The following DDX60 variants were observed in gnomAD, a reference collection of about 807,000 sequenced individuals.
The protein encoded by DDX60 is probable ATP-dependent RNA helicase DDX60.
Under a neutral mutation model 212.8 loss-of-function variants are expected in DDX60, and 165 were observed. That is an observed-to-expected ratio of 0.78 (90% confidence interval 0.68 to 0.88). The LOEUF (loss-of-function observed/expected upper bound fraction) is 0.88. Among genes scored for constraint, DDX60 ranks in the 40% least tolerant of loss-of-function variants. The pLI is 0.00. For missense variants in DDX60, 1,905 were observed against 2,003.9 expected, an observed-to-expected ratio of 0.95 and a Z score of 0.94; for synonymous variants, 703 against 685.3, an observed-to-expected ratio of 1.03 and a Z score of -0.40.
intron 20 of DDX60, 148 bp downstream of exon 20, chr4:168,268,706 T>C: frequency 2.1e-6 from 1 of 472,116 alleles, no homozygotes; most frequent in Non-Finnish European, 3.7e-6. Flanking sequence ...CCAGGAGGTG[T>C]AGAGAGATGC....
At chr4:168,231,753 C>T (rs957749971) in intron 33 of DDX60, among the ~76,000 whole-genome samples, 43 of 152,062 alleles carry the variant, frequency 2.8e-4, no homozygotes, top group Middle Eastern at 3.4e-3. Context: ...CCACAGTCAA[C>T]GTTATACTTT....
intron 33 of DDX60, among the ~76,000 whole-genome samples, chr4:168,233,226 G>A (rs1316420186): frequency 6.6e-6 from 1 of 152,068 alleles, no homozygotes; most frequent in Non-Finnish European, 1.5e-5. Context: ...TAGCGTGGAT[G>A]TAGTGAAAAG....
chr4:168,286,660 C>T (rs564283727), intron 10 of DDX60, among the ~76,000 whole-genome samples: 1 of 151,818 alleles, frequency 6.6e-6, no homozygotes, highest in Non-Finnish European at 1.5e-5. Context: ...TGTGGCCTTC[C>T]CTAAATTTTT....
the DDX60 span, among the ~76,000 whole-genome samples, chr4:168,324,653 A>C: frequency 2.6e-5 from 4 of 152,252 alleles, no homozygotes; most frequent in African/African-American, 9.6e-5. Context: ...TGACAGCATC[A>C]GAGATGGAGC....
chr4:168,242,216 T>C (rs551566501), intron 30 of DDX60, among the ~76,000 whole-genome samples: 1 of 152,282 alleles, frequency 6.6e-6, no homozygotes, highest in African/African-American at 2.4e-5. Context: ...ATGGAGAACC[T>C]CTGCTAGGGC....
chr4:168,241,520 G>A (rs1733837520), intron 30 of DDX60, among the ~76,000 whole-genome samples: 1 of 152,148 alleles, frequency 6.6e-6, no homozygotes, highest in African/African-American at 2.4e-5. Flanking sequence ...TTGGGAACTG[G>A]AGCAAAGGTG....
Position 168,263,027 on chromosome 4 carries a change from G to A in DDX60, c.3040-240C>T, listed in dbSNP as rs1041429926. Among the ~76,000 whole-genome samples, 10 of 152,114 alleles carry A rather than the reference G, an allele frequency of 6.6e-5. 1 individual carries two copies. Among genetic ancestry groups the A allele is most frequent in the African/African-American group, 2.4e-4 (10 of 41,414 alleles). On this transcript the variant is annotated intron_variant, in intron 22 of 37. Coordinates refer to ENST00000393743, the MANE Select transcript of DDX60 (RefSeq NM_017631.6). Reference sequence around the variant, plus strand: ...TTACTTCCCAAGACCTTTTCATTGTGCTAATTTTCTATGAACTGACTTCAT... The same window carrying A: ...TTACTTCCCAAGACCTTTTCATTGTACTAATTTTCTATGAACTGACTTCAT...
intron 32 of DDX60, among the ~76,000 whole-genome samples, chr4:168,236,965 A>G (rs1342040805): frequency 6.6e-6 from 1 of 151,104 alleles, no homozygotes. Flanking sequence ...TTCTATGATG[A>G]ATATATATTA....
intron 14 of DDX60, among the ~76,000 whole-genome samples, chr4:168,277,982 T>C (rs1006241133): frequency 3.3e-5 from 5 of 152,176 alleles, no homozygotes; most frequent in African/African-American, 1.2e-4. Context: ...AGACACCACC[T>C]TCCCATTAGT....
chr4:168,273,121 T>G (rs75443142), intron 18 of DDX60, among the ~76,000 whole-genome samples, 158 bp downstream of exon 18: 2,562 of 152,336 alleles, frequency 0.017, 58 homozygotes, highest in African/African-American at 0.057. Context: ...CTCTTTGAAA[T>G]GTAACAATAT....
chr4:168,285,410 A>G lies in DDX60; in HGVS notation c.1428T>C (p.Asp476=), dbSNP rs1046877817. 1 of 1,610,198 alleles carries G rather than the reference A, an allele frequency of 6.2e-7. No individual in the cohort carries two copies. The highest frequency in any genetic ancestry group is 8.5e-7 in the Non-Finnish European group (1 of 1,178,514). Residue 476 remains aspartate (D), a synonymous_variant, in exon 11 of 38, where the codon GAT becomes GAC. Transcript: ENST00000393743. ...CCTTATACCTCTTTAGAAAAGGCAA[A>G]TCTTTCAAAATATCTCCAGCAAATT... ...VDKFAGDILK[D]LPFLKSDDPI... is the part of the protein sequence containing the mutation.
intron 16 of DDX60, among the ~76,000 whole-genome samples, chr4:168,274,594 A>G (rs1165080008): frequency 6.6e-6 from 1 of 152,130 alleles, no homozygotes; most frequent in Non-Finnish European, 1.5e-5. Context: ...CAAAACCCCA[A>G]CCGGTCCACT....
At chr4:168,224,177 T>C (rs111875387) in intron 35 of DDX60, 66 bp downstream of exon 35, 17 of 1,560,952 alleles carry the variant, frequency 1.1e-5, no homozygotes, top group African/African-American at 9.6e-5. Context: ...CTTTCTAAGC[T>C]GCCTAGCAAT....
At chr4:168,228,924 A>G (rs909173859) in intron 33 of DDX60, among the ~76,000 whole-genome samples, 2 of 152,122 alleles carry the variant, frequency 1.3e-5, no homozygotes, top group Non-Finnish European at 2.9e-5. Flanking sequence ...TGTAGAATTC[A>G]GGGATAGGAG....
At position 168,280,224 on chromosome 4, in the gene DDX60, T is replaced by C. The variant is rs982357027; in HGVS notation, c.1978+111A>G. On this transcript the variant is annotated intron_variant, in intron 14 of 37. Coordinates refer to ENST00000393743, the MANE Select transcript of DDX60 (RefSeq NM_017631.6). ...AAAGGTAATAATGTATAAAGTAAGATAGGGCATGTAAGTCTTCTAATGCAA... is the reference window on the plus strand; with the variant it reads ...AAAGGTAATAATGTATAAAGTAAGACAGGGCATGTAAGTCTTCTAATGCAA... The C allele has an allele frequency of 6.1e-6, 8 of 1,319,184 alleles. No individual in the cohort carries two copies. In the East Asian group the frequency reaches 7.0e-5, roughly 12 times the overall value. The allele number at this position is 1,319,184 out of a possible 1,614,324, so 81.7% of individuals were successfully genotyped here.
At chr4:168,277,892 C>T (rs1040765278) in intron 14 of DDX60, among the ~76,000 whole-genome samples, 2 of 151,642 alleles carry the variant, frequency 1.3e-5, no homozygotes, top group East Asian at 1.9e-4. Context: ...CATTTTGAGT[C>T]GTGTGATGAA....
intron 6 of DDX60, 135 bp from the exon 7 acceptor site, chr4:168,294,080 C>A: frequency 1.5e-6 from 1 of 688,124 alleles, no homozygotes; most frequent in Non-Finnish European, 2.2e-6. Flanking sequence ...CCCCGTGACA[C>A]AAGTTTACCT....
chr4:168,284,754 A>T (rs1365127941), intron 12 of DDX60, 66 bp downstream of exon 12: 10 of 760,100 alleles, frequency 1.3e-5, no homozygotes, highest in Non-Finnish European at 2.0e-5. Flanking sequence ...ATAATTTTCC[A>T]CTATAAAATA....
chr4:168,298,643 T>C (rs926623924), intron 6 of DDX60, among the ~76,000 whole-genome samples: 1 of 152,048 alleles, frequency 6.6e-6, no homozygotes, highest in Non-Finnish European at 1.5e-5. Flanking sequence ...TCACCTATAG[T>C]AACAAATTTT....
Sources: allele counts gnomAD v4.1 joint callset (sites outside exome capture counted in the v4.1 genomes callset), GRCh38; gene constraint gnomAD v4.1.1; transcripts MANE v1.5; gene names NCBI Gene and HGNC (gene_info 2026-07-23, HGNC 2026-07-21).